ST6GALNAC3: variants seen among roughly 807,000 people sequenced by gnomAD.
ST6GALNAC3 encodes alpha-N-acetylgalactosaminide alpha-2,6-sialyltransferase 3.
In ST6GALNAC3, 25 loss-of-function variants were observed where a neutral mutation model predicts 32.7. The ratio of observed to expected loss-of-function variants is 0.76; its 90% CI spans 0.56 to 1.07. ST6GALNAC3 has a LOEUF of 1.07. Ranked by LOEUF, ST6GALNAC3 falls within the 50% of genes least tolerant of loss-of-function variation. The pLI, the probability that ST6GALNAC3 is intolerant of heterozygous loss-of-function variation, is 0.00. For synonymous variants in ST6GALNAC3, 129 were observed against 133.1 expected (o/e 0.97, Z 0.21); for missense variants, 355 against 382.4 (o/e 0.93, Z 0.60).
At chr1:76,581,095 G>C (rs1646886205) in intron 3 of ST6GALNAC3, among the ~76,000 whole-genome samples, 1 of 152,028 alleles carries the variant, frequency 6.6e-6, no homozygotes, top group Non-Finnish European at 1.5e-5. Flanking sequence ...GAATTGTTTA[G>C]TGCTGAGATT....
At chr1:76,316,375 A>T (rs1365215521) in intron 2 of ST6GALNAC3, among the ~76,000 whole-genome samples, 4 of 152,112 alleles carry the variant, frequency 2.6e-5, no homozygotes, top group African/African-American at 9.7e-5. Flanking sequence ...AACCTAGAAT[A>T]TACCTAAATA....
chr1:76,385,535 C>T (rs1652030705), intron 2 of ST6GALNAC3, among the ~76,000 whole-genome samples: 1 of 152,044 alleles, frequency 6.6e-6, no homozygotes. Flanking sequence ...TGTCAGAGTG[C>T]TGTTTTGAGA....
chr1:76,528,080 C>A (rs1229617304), intron 3 of ST6GALNAC3, among the ~76,000 whole-genome samples: 1 of 152,084 alleles, frequency 6.6e-6, no homozygotes, highest in East Asian at 1.9e-4. Flanking sequence ...ACAACATATT[C>A]CTACTTCACA....
intron 2 of ST6GALNAC3, among the ~76,000 whole-genome samples, chr1:76,398,712 G>C (rs1425115516): frequency 6.6e-6 from 1 of 152,086 alleles, no homozygotes; most frequent in Non-Finnish European, 1.5e-5. Context: ...TACACAAAAA[G>C]AATACATTTT....
intron 1 of ST6GALNAC3, among the ~76,000 whole-genome samples, chr1:76,301,894 T>A (rs553404724): frequency 6.6e-6 from 1 of 151,994 alleles, no homozygotes; most frequent in East Asian, 1.9e-4. Context: ...AAAAAGGTAT[T>A]TTGCATTGGT....
intron 3 of ST6GALNAC3, among the ~76,000 whole-genome samples, chr1:76,494,466 T>TAC (rs1486372356): frequency 0.019 from 942 of 50,698 alleles, 110 homozygotes; most frequent in East Asian, 0.068. Context: ...TATATATATA[T>TAC]ATACACACAC....
intron 3 of ST6GALNAC3, among the ~76,000 whole-genome samples, chr1:76,482,188 A>G (rs1659768907): frequency 6.6e-6 from 1 of 151,556 alleles, no homozygotes; most frequent in South Asian, 2.1e-4. Flanking sequence ...TCTTAGCAGT[A>G]AAAGCCAAGA....
intron 3 of ST6GALNAC3, among the ~76,000 whole-genome samples, chr1:76,566,420 G>A (rs1381294642): frequency 2.6e-5 from 4 of 152,050 alleles, no homozygotes; most frequent in South Asian, 2.1e-4. Context: ...CATGGGACTC[G>A]GAATAAAAGC....
chr1:76,211,206 C>T (rs571939448), intron 1 of ST6GALNAC3, among the ~76,000 whole-genome samples: 1 of 152,312 alleles, frequency 6.6e-6, no homozygotes, highest in African/African-American at 2.4e-5. Context: ...CACTGGCCAT[C>T]AGAGAAATGC....
In ST6GALNAC3 at chr1:76,524,892, T is replaced by A. The variant is rs548438378; in HGVS notation, c.624-102560T>A. Among the ~76,000 whole-genome samples, 7 of 152,026 alleles carry A rather than the reference T, an allele frequency of 4.6e-5. No individual in the cohort carries two copies. In the East Asian group the frequency reaches 1.2e-3, roughly 25 times the overall value. Reference sequence around the variant, plus strand: ...GTAGTTGAAGAAATATATAAAAAAATTTTGTGATATATATTTTGGTTATCT... The same window carrying A: ...GTAGTTGAAGAAATATATAAAAAAAATTTGTGATATATATTTTGGTTATCT... On this transcript the variant is annotated intron_variant, in intron 3 of 4. Transcript: ENST00000328299.
chr1:76,586,386 TCTC>T (rs1436663604), intron 3 of ST6GALNAC3, among the ~76,000 whole-genome samples: 3 of 152,194 alleles, frequency 2.0e-5, no homozygotes, highest in South Asian at 4.1e-4. Context: ...CACCTGCCCT[TCTC>T]CTCCAAGTGA....
rs189903792 is a variant in ST6GALNAC3 at position 76,531,946 on chromosome 1, G to A, written c.624-95506G>A. On this transcript the variant is annotated intron_variant, in intron 3 of 4. Coordinates refer to ENST00000328299, the MANE Select transcript of ST6GALNAC3 (RefSeq NM_152996.4). ...AGGAAAGGCCTGTTATTAAGGTGAG[G>A]GTCAAAAAGAAACTAGCCAAACACA... Among the ~76,000 whole-genome samples, 266 of 152,180 alleles carry A rather than the reference G, an allele frequency of 1.7e-3. 1 individual carries two copies. Among genetic ancestry groups the A allele is most frequent in the African/African-American group, 6.2e-3 (256 of 41,516 alleles).
At chr1:76,259,355 A>G (rs927188529) in intron 1 of ST6GALNAC3, among the ~76,000 whole-genome samples, 1 of 152,154 alleles carries the variant, frequency 6.6e-6, no homozygotes, top group Non-Finnish European at 1.5e-5. Flanking sequence ...CCAATGTTCC[A>G]TCTAAATCCT....
At chr1:76,432,308 A>C (rs908292357) in intron 3 of ST6GALNAC3, among the ~76,000 whole-genome samples, 1 of 152,104 alleles carries the variant, frequency 6.6e-6, no homozygotes, top group Admixed American at 6.5e-5. Context: ...TCAATTATGG[A>C]TAGAGTTGCT....
intron 1 of ST6GALNAC3, among the ~76,000 whole-genome samples, chr1:76,122,085 C>T (rs1411374723): frequency 5.3e-5 from 8 of 152,284 alleles, no homozygotes; most frequent in Non-Finnish European, 8.8e-5. Context: ...GCACTTGGCA[C>T]GACTGACCAT....
chr1:76,507,994 A>T (rs1361988632), intron 3 of ST6GALNAC3, among the ~76,000 whole-genome samples: 1 of 152,066 alleles, frequency 6.6e-6, no homozygotes, highest in African/African-American at 2.4e-5. Context: ...GCAGCACCTC[A>T]CTGTGGTTTT....
intron 2 of ST6GALNAC3, among the ~76,000 whole-genome samples, chr1:76,394,294 C>T (rs1390443424): frequency 6.6e-6 from 1 of 152,074 alleles, no homozygotes; most frequent in Non-Finnish European, 1.5e-5. Context: ...TTATAATAGT[C>T]TTAAAATACC....
intron 2 of ST6GALNAC3, among the ~76,000 whole-genome samples, chr1:76,322,708 A>T (rs1424068284): frequency 6.6e-6 from 1 of 152,228 alleles, no homozygotes; most frequent in Admixed American, 6.5e-5. Flanking sequence ...CATTTCAAAA[A>T]TAACTATATG....
chr1:76,411,772 G>T (rs563042599), intron 2 of ST6GALNAC3, among the ~76,000 whole-genome samples: 3 of 152,018 alleles, frequency 2.0e-5, no homozygotes, highest in African/African-American at 7.2e-5. Context: ...AAACCAGGGC[G>T]TGGGGATTAT....
Sources: gnomAD v4.1 joint callset for allele counts (sites outside exome capture counted in the v4.1 genomes callset) on GRCh38, gnomAD v4.1.1 for gene constraint, MANE v1.5 for transcripts, NCBI Gene and HGNC (gene_info 2026-07-23, HGNC 2026-07-21) for gene names.